Variants in TBC1D9B observed in about 807,000 individuals in gnomAD.
TBC1D9B encodes the protein TBC1 domain family, member 9B (with GRAM domain).
Under a neutral mutation model 121.1 loss-of-function variants are expected in TBC1D9B, and 87 were observed. The observed-to-expected ratio is 0.72, with a 90% CI of 0.60 to 0.86. The LOEUF (loss-of-function observed/expected upper bound fraction) is 0.86. TBC1D9B is among the 40% of genes least tolerant of loss of function. The probability of loss-of-function intolerance (pLI) is 0.00; values close to 1 mark genes in which losing one functional copy is unlikely to be tolerated. For missense variants in TBC1D9B, 1,540 were observed against 1,628.6 expected (o/e 0.95, Z 0.94); for synonymous variants, 668 against 670.1 (o/e 1.00, Z 0.05).
chr5:179,889,442 G>C (rs79908622), intron 6 of TBC1D9B, among the ~76,000 whole-genome samples: 1 of 152,056 alleles, frequency 6.6e-6, no homozygotes, highest in African/African-American at 2.4e-5. Context: ...AGGCAGGTGG[G>C]AGAGGCGCAC....
Position 179,865,558 on chromosome 5 carries a change from G to A in TBC1D9B, c.2915-198C>T. ...TTTTCCCTAAATTGCTGCAGTGGTT[G>A]GACCTAAGCTGATGACAATGATCCA... On this transcript the variant is annotated intron_variant, in intron 19 of 20. Transcript: ENST00000355235. The surrounding 1 kb of genome is among the most constrained non-coding windows in gnomAD (Gnocchi z 5.1). The A allele has an allele frequency of 1.6e-6, 1 of 625,372 alleles. No homozygotes were observed. The highest frequency in any genetic ancestry group is 2.8e-6 in the Non-Finnish European group (1 of 356,748). 38.7% of individuals were successfully genotyped at this position (625,372 alleles called of 1,614,324 possible).
At chr5:179,895,415 G>C (rs780572997) in intron 3 of TBC1D9B, among the ~76,000 whole-genome samples, 1 of 152,078 alleles carries the variant, frequency 6.6e-6, no homozygotes, top group South Asian at 2.1e-4. Flanking sequence ...TCTGTAAAGC[G>C]CTTCTCTTAT....
intron 14 of TBC1D9B, 44 bp downstream of exon 14, chr5:179,872,848 G>GGCCCCCCCCCCCCCCCCCC: frequency 6.9e-7 from 1 of 1,457,252 alleles, no homozygotes; most frequent in African/African-American, 1.5e-5. Context: ...AGGCACTGCT[G>GGCCCCCCCCCCCCCCCCCC]CCCCCCCAGC....
intron 2 of TBC1D9B, 23 bp from the exon 3 acceptor site, chr5:179,899,330 A>G (rs760546203): frequency 1.2e-6 from 2 of 1,604,370 alleles, no homozygotes; most frequent in East Asian, 2.2e-5. Context: ...TGGTAAAGTA[A>G]AAGAAAAATC....
rs1037221492 is a variant in TBC1D9B at position 179,904,753 on chromosome 5, G to A, written c.178C>T (p.Arg60Cys). The change falls in exon 2 of 21, where the codon CGC (arginine) becomes TGC (cysteine). Residue 60 changes from arginine (R) to cysteine (C), a missense_variant. Coordinates refer to ENST00000355235, the MANE Select transcript of TBC1D9B (RefSeq NM_015043.4). This position sits in a 1 kb window ranked among gnomAD's most constrained non-coding sequence, Gnocchi z 4.2. ...GAGTCCTGGGTCTGGTGCAGGATGCGGTAAGGGGCCACGCGGGCACTGGAG... is the reference window on the plus strand; with the variant it reads ...GAGTCCTGGGTCTGGTGCAGGATGCAGTAAGGGGCCACGCGGGCACTGGAG... Reference protein sequence around the residue: ...LDSSARVAPYRILHQTQDSQV... With the variant: ...LDSSARVAPYCILHQTQDSQV... 3.2e-6 allele frequency: 5 copies of A among 1,580,858 alleles called. No individual in the cohort carries two copies. The highest frequency in any genetic ancestry group is 3.4e-6 in the Non-Finnish European group (4 of 1,163,768).
chr5:179,868,707 T>C (rs1271876387), intron 17 of TBC1D9B: 1 of 152,288 alleles, frequency 6.6e-6, no homozygotes, highest in African/African-American at 2.4e-5. Flanking sequence ...CCTCATTCAG[T>C]GCAGTCTTTG....
rs1214562132 is a variant in TBC1D9B, at chr5:179,879,360, C to T, written c.1417-163G>A. ...GACCAGGCCGCGCTGAGCCACACCTCCCAAGGCTCAGGAGACCAGCTCCTC... is the reference window on the plus strand; with the variant it reads ...GACCAGGCCGCGCTGAGCCACACCTTCCAAGGCTCAGGAGACCAGCTCCTC... On this transcript the variant is annotated intron_variant, in intron 8 of 20. Coordinates refer to ENST00000355235, the MANE Select transcript of TBC1D9B (RefSeq NM_015043.4). 5 of 1,213,630 alleles carry T rather than the reference C, an allele frequency of 4.1e-6. No homozygotes were observed. In the East Asian group the frequency reaches 1.0e-4, roughly 25 times the overall value. 75.2% of individuals were successfully genotyped at this position (1,213,630 alleles called of 1,614,324 possible).
rs559559322 is a variant in TBC1D9B at position 179,893,199 on chromosome 5, G to A, written c.836+10C>T. 308 of 1,595,106 alleles carry A rather than the reference G, an allele frequency of 1.9e-4. No homozygotes were observed. Among genetic ancestry groups the A allele is most frequent in the Non-Finnish European group, 2.5e-4 (298 of 1,169,744 alleles). Reference sequence around the variant, plus strand: ...ACATGAGCCCACCCCAGCCCTGGAGGGCAACGCACCGCTTCAGGGCTGAGA... The same window carrying A: ...ACATGAGCCCACCCCAGCCCTGGAGAGCAACGCACCGCTTCAGGGCTGAGA... On this transcript the variant is annotated intron_variant, in intron 5 of 20. Coordinates refer to ENST00000355235, the MANE Select transcript of TBC1D9B (RefSeq NM_015043.4).
intron 10 of TBC1D9B, 47 bp downstream of exon 10, chr5:179,878,262 A>C (rs1760418685): frequency 3.8e-6 from 6 of 1,568,962 alleles, no homozygotes; most frequent in Non-Finnish European, 5.2e-6. Flanking sequence ...GCTCCTGTGA[A>C]CCTCTGGTGG....
At chr5:179,894,706 T>C (rs539118007) in intron 3 of TBC1D9B, 92 bp from the exon 4 acceptor site, 48 of 1,327,788 alleles carry the variant, frequency 3.6e-5, no homozygotes, top group Admixed American at 1.4e-4. Context: ...CCAGGACTCA[T>C]GGACCTTGGT....
At position 179,891,689 on chromosome 5, in the gene TBC1D9B, A is replaced by G. The variant is rs1760871241; in HGVS notation, c.837-103T>C. The stretch of plus-strand genomic sequence containing the variant: ...CTCCCCAGGCCTGTTTCCACATCAG[A>G]TTCAGGATCCCTGGGGTGGTCCCTT... On this transcript the variant is annotated intron_variant, in intron 5 of 20. Transcript: ENST00000355235. This position sits in a 1 kb window ranked among gnomAD's most constrained non-coding sequence, Gnocchi z 4.3. The G allele has an allele frequency of 7.6e-7, 1 of 1,323,492 alleles. No individual in the cohort carries two copies. Among genetic ancestry groups the G allele is most frequent in the Admixed American group, 1.9e-5 (1 of 51,660 alleles). The allele number at this position is 1,323,492 out of a possible 1,614,324, so 82.0% of individuals were successfully genotyped here.
chr5:179,879,184 A>G lies in TBC1D9B; in HGVS notation c.1430T>C (p.Met477Thr). The G allele has an allele frequency of 6.2e-7, 1 of 1,602,106 alleles. No homozygotes were observed. The highest frequency in any genetic ancestry group is 8.5e-7 in the Non-Finnish European group (1 of 1,179,070). The change falls in exon 9 of 21, where the codon ATG becomes ACG. Residue 477 changes from methionine (M) to threonine (T), a missense_variant. Physicochemically the swap from Met to Thr is moderately conservative, Grantham distance 81. Coordinates refer to ENST00000355235, the MANE Select transcript of TBC1D9B (RefSeq NM_015043.4). ...DLGAKGAKEK[M>T]KEESWHIHFF... ...GTGGATGTGCCATGACTCCTCTTTC[A>G]TCTTCTCCTTGGCCTGAGGGAAAAG...
intron 3 of TBC1D9B, among the ~76,000 whole-genome samples, chr5:179,898,086 T>C (rs1188714266): frequency 6.6e-6 from 1 of 151,120 alleles, no homozygotes; most frequent in Admixed American, 6.6e-5. Context: ...GAGGCCAAGG[T>C]GGGTGGATCA....
chr5:179,882,762 C>T (rs1302819027), intron 7 of TBC1D9B, among the ~76,000 whole-genome samples: 2 of 152,138 alleles, frequency 1.3e-5, no homozygotes. Context: ...AGGCACAAGA[C>T]TGCTTGAACC....
Position 179,863,405 on chromosome 5 carries a change from C to G in TBC1D9B, c.*43G>C. ...GAAAGGCAGGAGGAGATGAGGCCAGCCCCACTGATGACACCTTGGGCCAGG... is the reference window on the plus strand; with the variant it reads ...GAAAGGCAGGAGGAGATGAGGCCAGGCCCACTGATGACACCTTGGGCCAGG... On this transcript the variant is annotated 3_prime_UTR_variant, in exon 21 of 21. Coordinates refer to ENST00000355235, the MANE Select transcript of TBC1D9B (RefSeq NM_015043.4). This position sits in a 1 kb window ranked among gnomAD's most constrained non-coding sequence, Gnocchi z 4.5. The G allele has an allele frequency of 1.3e-6, 2 of 1,585,474 alleles. No homozygotes were observed. The highest frequency in any genetic ancestry group is 1.7e-6 in the Non-Finnish European group (2 of 1,164,382).
intron 1 of TBC1D9B, among the ~76,000 whole-genome samples, chr5:179,905,439 T>C (rs923759572): frequency 6.6e-6 from 1 of 151,862 alleles, no homozygotes; most frequent in African/African-American, 2.4e-5. Flanking sequence ...TCTTTTAGCC[T>C]CAAAAAATCA....
rs761058718 is a variant in TBC1D9B, at chr5:179,862,165, G to A, written c.*1283C>T. The A allele has an allele frequency of 1.1e-5, 2 of 180,112 alleles. No individual in the cohort carries two copies. Among genetic ancestry groups the A allele is most frequent in the Admixed American group, 1.1e-4 (2 of 18,572 alleles). 11.2% of individuals were successfully genotyped at this position (180,112 alleles called of 1,614,324 possible). On this transcript the variant is annotated 3_prime_UTR_variant, in exon 21 of 21. Coordinates refer to ENST00000355235, the MANE Select transcript of TBC1D9B (RefSeq NM_015043.4). ...CTTAATCACAGGTATGTATGCATAGGAAAAAACAGTATGTATAAGGTTTGT... is the reference window on the plus strand; with the variant it reads ...CTTAATCACAGGTATGTATGCATAGAAAAAAACAGTATGTATAAGGTTTGT...
rs1048800277 is a variant in TBC1D9B, at chr5:179,885,699, G to A, written c.1254+2404C>T. Among the ~76,000 whole-genome samples, 8 of 152,054 alleles carry A rather than the reference G, an allele frequency of 5.3e-5. No homozygotes were observed. The South Asian group carries it at 6.2e-4, about 12-fold the overall frequency. ...TCACAGCACATTTCCATTGGCACCCGCTGGATTTCCAGTGCTCCATGGCCA... is the reference window on the plus strand; with the variant it reads ...TCACAGCACATTTCCATTGGCACCCACTGGATTTCCAGTGCTCCATGGCCA... On this transcript the variant is annotated intron_variant, in intron 7 of 20. Coordinates refer to ENST00000355235, the MANE Select transcript of TBC1D9B (RefSeq NM_015043.4). The surrounding 1 kb of genome is among the most constrained non-coding windows in gnomAD (Gnocchi z 4.5).
intron 3 of TBC1D9B, 29 bp from the exon 4 acceptor site, chr5:179,894,643 G>C: frequency 6.2e-7 from 1 of 1,612,464 alleles, no homozygotes; most frequent in Non-Finnish European, 8.5e-7. Flanking sequence ...ACAAGGGCTT[G>C]CCCTGCACAG....
Sources: gnomAD v4.1 joint callset for allele counts (sites outside exome capture counted in the v4.1 genomes callset) on GRCh38, gnomAD v4.1.1 for gene constraint, Gnocchi (gnomAD v3.1) non-coding constraint, MANE v1.5 for transcripts, NCBI Gene and HGNC (gene_info 2026-07-23, HGNC 2026-07-21) for gene names.